TAFA1: variants seen among roughly 807,000 people sequenced by gnomAD.
The protein encoded by TAFA1 is TAFA chemokine like family member 1, also known as chemokine-like protein TAFA-1.
In TAFA1, 4 loss-of-function variants were observed where a neutral mutation model predicts 18.5. That is an observed-to-expected ratio of 0.22 (90% CI 0.11 to 0.49). The LOEUF is 0.49. Among genes scored for constraint, TAFA1 ranks in the 20% least tolerant of loss-of-function variants. The pLI is 0.98. For missense variants in TAFA1, 147 were observed against 169.0 expected, an observed-to-expected ratio of 0.87 and a Z score of 0.72; for synonymous variants, 56 against 55.2, an observed-to-expected ratio of 1.01 and a Z score of -0.06.
chr3:68,110,360 CT>C (rs530907770), intron 2 of TAFA1, among the ~76,000 whole-genome samples: 40 of 152,242 alleles, frequency 2.6e-4, no homozygotes, highest in African/African-American at 7.5e-4. Flanking sequence ...ACCACATTTT[CT>C]TTATCCAGTC....
chr3:68,313,618 T>A (rs1314195479), intron 2 of TAFA1, among the ~76,000 whole-genome samples: 1 of 152,212 alleles, frequency 6.6e-6, no homozygotes, highest in African/African-American at 2.4e-5. Flanking sequence ...TGAAGATGTA[T>A]CAATATGAAT....
At chr3:68,009,908 T>C (rs141910062) in intron 2 of TAFA1, among the ~76,000 whole-genome samples, 7,233 of 152,010 alleles carry the variant, frequency 0.048, 247 homozygotes, top group Middle Eastern at 0.11. Flanking sequence ...CACCCCTAAA[T>C]GAACAAATAA....
At chr3:68,223,413 T>C (rs1217286841) in intron 2 of TAFA1, among the ~76,000 whole-genome samples, 7 of 152,232 alleles carry the variant, frequency 4.6e-5, no homozygotes, top group Non-Finnish European at 8.8e-5. Flanking sequence ...TTACAACAAG[T>C]TAACTAAGTC....
chr3:68,090,888 C>A (rs2065023082), intron 2 of TAFA1, among the ~76,000 whole-genome samples: 1 of 152,098 alleles, frequency 6.6e-6, no homozygotes, highest in African/African-American at 2.4e-5. Flanking sequence ...AATCTGTTAT[C>A]TTCAGAAAGA....
At position 68,396,244 on chromosome 3, in the gene TAFA1, A is replaced by G. The variant is rs1202238012; in HGVS notation, c.119-21036A>G. Among the ~76,000 whole-genome samples, 4 of 152,104 alleles carry G rather than the reference A, an allele frequency of 2.6e-5. No individual in the cohort carries two copies. In the South Asian group the frequency reaches 8.3e-4, roughly 32 times the overall value. On this transcript the variant is annotated intron_variant, in intron 2 of 4. Coordinates refer to ENST00000478136, the MANE Select transcript of TAFA1 (RefSeq NM_213609.4). ...TTTTAAAAATTGAAATGTAATATAT[A>G]CTGATATAAACAGACAAGTCATGAA...
chr3:68,541,921 G>A (rs1230842136), intron 4 of TAFA1, among the ~76,000 whole-genome samples: 2 of 152,120 alleles, frequency 1.3e-5, no homozygotes, highest in Admixed American at 6.6e-5. Flanking sequence ...ACTTTATGGT[G>A]TTCATTTTTT....
chr3:68,154,714 G>A (rs1866290), intron 2 of TAFA1, among the ~76,000 whole-genome samples: 99,853 of 152,014 alleles, frequency 0.66, 33,563 homozygotes, highest in South Asian at 0.77. Context: ...TGTTCTGGGG[G>A]CCCTGCCTTG....
At chr3:68,384,658 A>T (rs558700668) in intron 2 of TAFA1, among the ~76,000 whole-genome samples, 3 of 152,132 alleles carry the variant, frequency 2.0e-5, no homozygotes, top group African/African-American at 7.2e-5. Flanking sequence ...TGGGGTAGAG[A>T]ATTCTGTAGA....
intron 2 of TAFA1, among the ~76,000 whole-genome samples, chr3:68,354,936 T>C (rs536476669): frequency 1.3e-5 from 2 of 152,124 alleles, no homozygotes; most frequent in Non-Finnish European, 1.5e-5. Flanking sequence ...ACTGTTGTAT[T>C]GGGAATTAAG....
At chr3:68,395,918 A>T (rs760907753) in intron 2 of TAFA1, among the ~76,000 whole-genome samples, 1 of 152,116 alleles carries the variant, frequency 6.6e-6, no homozygotes, top group East Asian at 1.9e-4. Flanking sequence ...ACAAACTTAC[A>T]TGTATCCCAG....
the TAFA1 span, among the ~76,000 whole-genome samples, chr3:67,996,660 G>T: frequency 1.9e-4 from 29 of 152,168 alleles, 2 homozygotes; most frequent in South Asian, 5.4e-3. Context: ...TTAGCCAGGT[G>T]TGGTGGTCTG....
chr3:68,060,078 AAC>A (rs1553708071), intron 2 of TAFA1, among the ~76,000 whole-genome samples: 26 of 152,024 alleles, frequency 1.7e-4, no homozygotes, highest in South Asian at 6.2e-4. Flanking sequence ...GGAAAAAAAA[AAC>A]ACACACACAC....
intron 2 of TAFA1, among the ~76,000 whole-genome samples, chr3:68,355,805 A>G (rs1256658969): frequency 6.6e-6 from 1 of 151,976 alleles, no homozygotes; most frequent in African/African-American, 2.4e-5. Flanking sequence ...CAATGAAGTG[A>G]CTGCTTGTAA....
intron 3 of TAFA1, among the ~76,000 whole-genome samples, chr3:68,524,413 G>T (rs1310201268): frequency 6.6e-6 from 1 of 152,186 alleles, no homozygotes; most frequent in Non-Finnish European, 1.5e-5. Flanking sequence ...GACAGGCAAA[G>T]TCAGTGCACA....
chr3:68,122,636 T>C (rs1030878134), intron 2 of TAFA1, among the ~76,000 whole-genome samples: 2 of 152,158 alleles, frequency 1.3e-5, no homozygotes, highest in African/African-American at 4.8e-5. Flanking sequence ...TAGTCTGTCA[T>C]TGGCATACTT....
rs557339649 is a variant in TAFA1, at chr3:68,104,059, T to G, written c.118+97315T>G. On this transcript the variant is annotated intron_variant, in intron 2 of 4. Coordinates refer to ENST00000478136, the MANE Select transcript of TAFA1 (RefSeq NM_213609.4). ...GTGTCTCCAGTGCATCACAGGAATTTAAAGTGTAATGTTAGATCATCTTGT... is the reference window on the plus strand; with the variant it reads ...GTGTCTCCAGTGCATCACAGGAATTGAAAGTGTAATGTTAGATCATCTTGT... Among the ~76,000 whole-genome samples, 40 of 152,298 alleles carry G rather than the reference T, an allele frequency of 2.6e-4. 1 individual carries two copies. The South Asian group carries it at 6.4e-3, about 24-fold the overall frequency.
chr3:68,534,372 T>C (rs971495978), intron 3 of TAFA1, among the ~76,000 whole-genome samples: 2 of 152,196 alleles, frequency 1.3e-5, no homozygotes, highest in Non-Finnish European at 2.9e-5. Context: ...AAAACATCGA[T>C]AATCTTGGCT....
intron 2 of TAFA1, among the ~76,000 whole-genome samples, chr3:68,173,504 C>G (rs1261251226): frequency 2.6e-5 from 4 of 152,134 alleles, no homozygotes; most frequent in African/African-American, 9.7e-5. Context: ...GCCACACATA[C>G]ACGAATTGGA....
At chr3:68,458,138 G>A (rs1369007476) in intron 3 of TAFA1, among the ~76,000 whole-genome samples, 5 of 152,058 alleles carry the variant, frequency 3.3e-5, no homozygotes, top group South Asian at 4.2e-4. Context: ...CTGTTCTCAC[G>A]ATGGTAAGAG....
Sources: allele counts gnomAD v4.1 joint callset (sites outside exome capture counted in the v4.1 genomes callset), GRCh38; gene constraint gnomAD v4.1.1; transcripts MANE v1.5; gene names NCBI Gene and HGNC (gene_info 2026-07-23, HGNC 2026-07-21).